XPNPEP1: variants seen among roughly 807,000 people sequenced by gnomAD.
The protein encoded by XPNPEP1 is X-prolyl aminopeptidase 1.
In XPNPEP1, 39 loss-of-function variants were observed where a neutral mutation model predicts 92.4. That is an observed-to-expected ratio of 0.42 (90% CI 0.33 to 0.55). The LOEUF (loss-of-function observed/expected upper bound fraction) is 0.55, where lower values mean the gene tolerates loss of function less well. Among genes scored for constraint, XPNPEP1 ranks in the 20% least tolerant of loss-of-function variants. XPNPEP1 has a pLI of 0.08. For synonymous variants in XPNPEP1, 307 were observed against 299.4 expected, an observed-to-expected ratio of 1.03 and a Z score of -0.26; for missense variants, 654 against 856.1, an observed-to-expected ratio of 0.76 and a Z score of 2.95.
At chr10:109,878,662 T>C (rs1847912423) in intron 12 of XPNPEP1, among the ~76,000 whole-genome samples, 1 of 151,410 alleles carries the variant, frequency 6.6e-6, no homozygotes, top group South Asian at 2.1e-4. Context: ...CCAAGATAGG[T>C]GGATCGCTTG....
intron 5 of XPNPEP1, chr10:109,891,506 C>G (rs1465550801): frequency 4.8e-6 from 2 of 415,172 alleles, no homozygotes; most frequent in African/African-American, 4.1e-5. Context: ...AGTTTCCCCT[C>G]AGTAAAATAA....
In XPNPEP1 at chr10:109,873,358, C is replaced by G. The variant is rs753230888; in HGVS notation, c.1452+9G>C. 6.2e-7 allele frequency: 1 copy of G among 1,614,142 alleles called. No homozygotes were observed. The highest frequency in any genetic ancestry group is 1.7e-5 in the Admixed American group (1 of 60,018). On this transcript the variant is annotated intron_variant, in intron 16 of 20. Coordinates refer to ENST00000502935, the MANE Select transcript of XPNPEP1 (RefSeq NM_020383.4). ...AGAGGACCTCTTGAGTTTTTTACCT[C>G]CACCTTACCTTCTCGTAGGCTGTAG... is the stretch of plus-strand genomic sequence containing the variant.
At chr10:109,908,685 A>G (rs946689339) in intron 2 of XPNPEP1, among the ~76,000 whole-genome samples, 2 of 152,248 alleles carry the variant, frequency 1.3e-5, no homozygotes, top group African/African-American at 4.8e-5. Context: ...GTATATATGC[A>G]AAGAGAAGTT....
At chr10:109,887,686 T>C (rs1848467431) in intron 7 of XPNPEP1, among the ~76,000 whole-genome samples, 2 of 152,114 alleles carry the variant, frequency 1.3e-5, no homozygotes, top group African/African-American at 4.8e-5. Context: ...AATCTACAAA[T>C]GCTGACATAA....
chr10:109,919,764 T>C (rs759744042), intron 1 of XPNPEP1, among the ~76,000 whole-genome samples: 3 of 152,180 alleles, frequency 2.0e-5, no homozygotes, highest in Non-Finnish European at 2.9e-5. Context: ...CCAGGCGCGG[T>C]AGCTCACGCC....
rs149025505 is a variant in XPNPEP1, at chr10:109,891,307, C to T, written c.415+415G>A. Reference sequence around the variant, plus strand: ...AATGCTGCTCTTCTCCAGAGCTAAGCTTCCAGAAGCAAATCCAAGATCCTC... The same window carrying T: ...AATGCTGCTCTTCTCCAGAGCTAAGTTTCCAGAAGCAAATCCAAGATCCTC... On this transcript the variant is annotated intron_variant, in intron 5 of 20. Coordinates refer to ENST00000502935, the MANE Select transcript of XPNPEP1 (RefSeq NM_020383.4). The T allele has an allele frequency of 2.6e-4, 41 of 154,960 alleles. No individual in the cohort carries two copies. In the East Asian group the frequency reaches 7.6e-3, roughly 29 times the overall value. The allele number at this position is 154,960 out of a possible 1,614,324, so 9.6% of individuals were successfully genotyped here.
chr10:109,888,774 G>A (rs1027113171), intron 5 of XPNPEP1, among the ~76,000 whole-genome samples, 179 bp from the exon 6 acceptor site: 1 of 152,220 alleles, frequency 6.6e-6, no homozygotes, highest in Admixed American at 6.5e-5. Context: ...GCTACAGAGA[G>A]GGAGAAGTGT....
chr10:109,901,518 T>C (rs1027529462), intron 3 of XPNPEP1, among the ~76,000 whole-genome samples: 4 of 152,218 alleles, frequency 2.6e-5, no homozygotes, highest in African/African-American at 9.6e-5. Context: ...CCATGAAGAC[T>C]TCCCTGATCC....
At chr10:109,910,486 G>A (rs184419457) in intron 2 of XPNPEP1, among the ~76,000 whole-genome samples, 1 of 151,014 alleles carries the variant, frequency 6.6e-6, no homozygotes, top group African/African-American at 2.4e-5. Context: ...AGAGGTTGTG[G>A]TGAGCCGAGA....
At chr10:109,915,976 G>T (rs1850164734) in intron 1 of XPNPEP1, among the ~76,000 whole-genome samples, 1 of 152,158 alleles carries the variant, frequency 6.6e-6, no homozygotes, top group Non-Finnish European at 1.5e-5. Flanking sequence ...ACACAACAGT[G>T]AACAAAACAG....
chr10:109,867,595 G>A lies in XPNPEP1; in HGVS notation c.1872+1019C>T, dbSNP rs760190135. Among the ~76,000 whole-genome samples, 1 of 152,224 alleles carries A rather than the reference G, an allele frequency of 6.6e-6. No individual in the cohort carries two copies. Among genetic ancestry groups the A allele is most frequent in the Non-Finnish European group, 1.5e-5 (1 of 68,038 alleles). ...ATCCCATTCCACAGCTCCTGTGGAA[G>A]GGAAGGTCCTTAACCCCCAAAGACC... On this transcript the variant is annotated intron_variant, in intron 20 of 20. Transcript: ENST00000502935. The surrounding 1 kb of genome is among the most constrained non-coding windows in gnomAD (Gnocchi z 4.5).
chr10:109,917,802 T>C (rs1168476303), intron 1 of XPNPEP1, among the ~76,000 whole-genome samples: 1 of 152,124 alleles, frequency 6.6e-6, no homozygotes, highest in Non-Finnish European at 1.5e-5. Flanking sequence ...AGTCCAGAAA[T>C]AAACCCTCAC....
At chr10:109,919,935 G>A (rs1035415633) in intron 1 of XPNPEP1, among the ~76,000 whole-genome samples, 1 of 152,168 alleles carries the variant, frequency 6.6e-6, no homozygotes, top group African/African-American at 2.4e-5. Context: ...AGGAGGCTGA[G>A]GCAGGAGAAT....
chr10:109,893,555 A>G (rs1414839787), intron 3 of XPNPEP1: 1 of 156,902 alleles, frequency 6.4e-6, no homozygotes, highest in East Asian at 1.9e-4. Context: ...TAGCATCACC[A>G]ATCTCTCCCA....
chr10:109,871,578 C>CA (rs955349953), intron 17 of XPNPEP1, among the ~76,000 whole-genome samples: 2 of 152,164 alleles, frequency 1.3e-5, no homozygotes, highest in African/African-American at 4.8e-5. Context: ...GAATGGTGCA[C>CA]AGGGGGTACT....
At chr10:109,903,260 T>A (rs556904333) in intron 3 of XPNPEP1, among the ~76,000 whole-genome samples, 3 of 152,290 alleles carry the variant, frequency 2.0e-5, no homozygotes, top group African/African-American at 7.2e-5. Context: ...CATTAGCAGG[T>A]CGAATCTTTC....
At chr10:109,893,203 G>T (rs1472444486) in intron 3 of XPNPEP1, 128 bp from the exon 4 acceptor site, 1 of 746,708 alleles carries the variant, frequency 1.3e-6, no homozygotes, top group African/African-American at 1.8e-5. Flanking sequence ...CCGCCCTCAA[G>T]AAGCCAACAG....
At chr10:109,904,113 C>T (rs190197085) in intron 3 of XPNPEP1, among the ~76,000 whole-genome samples, 8 of 151,030 alleles carry the variant, frequency 5.3e-5, no homozygotes, top group Admixed American at 4.0e-4. Flanking sequence ...CCAAAATGCT[C>T]GGATTACAGG....
intron 3 of XPNPEP1, among the ~76,000 whole-genome samples, chr10:109,894,506 C>A (rs1459650051): frequency 6.6e-6 from 1 of 150,620 alleles, no homozygotes; most frequent in Non-Finnish European, 1.5e-5. Context: ...GTATTCCAGC[C>A]TAGGCAACAG....
Sources: gnomAD v4.1 joint callset for allele counts (sites outside exome capture counted in the v4.1 genomes callset) on GRCh38, gnomAD v4.1.1 for gene constraint, Gnocchi (gnomAD v3.1) non-coding constraint, MANE v1.5 for transcripts, NCBI Gene and HGNC (gene_info 2026-07-23, HGNC 2026-07-21) for gene names.